The following SLC6A11 variants were observed in gnomAD, a reference collection of about 807,000 sequenced individuals.
SLC6A11 encodes the protein sodium- and chloride-dependent GABA transporter 3.
A neutral mutation model predicts 74.8 loss-of-function variants in SLC6A11; 25 were observed. That is an observed-to-expected ratio of 0.33 (90% CI 0.24 to 0.47). The LOEUF (loss-of-function observed/expected upper bound fraction) is 0.47, where lower values mean the gene tolerates loss of function less well. Among genes scored for constraint, SLC6A11 ranks in the 20% least tolerant of loss-of-function variants. The pLI, the probability that SLC6A11 is intolerant of heterozygous loss-of-function variation, is 1.00. For synonymous variants in SLC6A11, 330 were observed against 330.2 expected (o/e 1.00, Z 0.01); for missense variants, 574 against 837.0 (o/e 0.69, Z 3.88).
chr3:10,933,834 G>A, intron 11 of SLC6A11: 1 of 386,106 alleles, frequency 2.6e-6, no homozygotes. Context: ...TCATTTCCTG[G>A]GCCTGAGGCC....
At chr3:10,927,667 C>T (rs533620743) in intron 9 of SLC6A11, among the ~76,000 whole-genome samples, 23 of 152,290 alleles carry the variant, frequency 1.5e-4, no homozygotes, top group Non-Finnish European at 2.9e-4. Flanking sequence ...CAGAGCCAGC[C>T]CTTGCTGCTG....
chr3:10,885,010 C>T lies in SLC6A11; in HGVS notation c.891+9915C>T, dbSNP rs139758896. Among the ~76,000 whole-genome samples the T allele has an allele frequency of 7.2e-3, 1,096 of 152,172 alleles. 11 individuals are homozygous for T. The highest frequency in any genetic ancestry group is 7.1e-3 in the Non-Finnish European group (485 of 68,016). On this transcript the variant is annotated intron_variant, in intron 6 of 13. Transcript: ENST00000254488. ...AACTGAGGCACAAGTCGGCCTCCTC[C>T]GAGTGAATAGAATAGAATCAAATCA...
chr3:10,819,433 A>G (rs368235185), intron 1 of SLC6A11, 32 bp from the exon 2 acceptor site: 3 of 1,591,306 alleles, frequency 1.9e-6, no homozygotes, highest in East Asian at 2.2e-5. Flanking sequence ...CGGCAGGGAC[A>G]GTTTTCATTT....
rs757998838 is a variant in SLC6A11, at chr3:10,933,232, A to G, written c.1453A>G (p.Ile485Val). The change falls in exon 11 of 14, where the codon ATC becomes GTC. Residue 485 changes from isoleucine (I) to valine (V), a missense_variant. Physicochemically the swap from Ile to Val is conservative, Grantham distance 29. Around this residue, in one of 4 missense-constraint regions of SLC6A11, gnomAD observed 257 missense variants for 341.5 expected, o/e 0.75. Coordinates refer to ENST00000254488, the MANE Select transcript of SLC6A11 (RefSeq NM_014229.3). ...TCTCTTCGTGGCCATCTTTGAGTGC[A>G]TCTGCATCGGCTGGGTGTATGGTGA... Reference protein sequence around the residue: ...CLLFVAIFECICIGWVYGSNR... With the variant: ...CLLFVAIFECVCIGWVYGSNR... The G allele has an allele frequency of 6.2e-7, 1 of 1,613,764 alleles. No homozygotes were observed.
intron 4 of SLC6A11, chr3:10,825,190 A>AAAAAAT (rs1694192575): frequency 6.6e-6 from 1 of 152,062 alleles, no homozygotes. Flanking sequence ...CAAAAAAAAA[A>AAAAAAT]AAAAAAATTA....
intron 5 of SLC6A11, among the ~76,000 whole-genome samples, chr3:10,869,001 G>A (rs1357471382): frequency 6.6e-6 from 1 of 152,196 alleles, no homozygotes; most frequent in East Asian, 1.9e-4. Flanking sequence ...GCAGCACAAA[G>A]CAGTGTTCCT....
intron 4 of SLC6A11, among the ~76,000 whole-genome samples, chr3:10,825,699 T>C (rs1694199969): frequency 6.6e-6 from 1 of 152,244 alleles, no homozygotes; most frequent in Middle Eastern, 3.2e-3. Context: ...ATATAATCCA[T>C]CTGGAATTTT....
At chr3:10,937,676 T>C (rs555260447) in intron 13 of SLC6A11, among the ~76,000 whole-genome samples, 2 of 152,340 alleles carry the variant, frequency 1.3e-5, no homozygotes, top group East Asian at 3.9e-4. Flanking sequence ...GCCAGCCAGC[T>C]GGTGCGGGCT....
intron 5 of SLC6A11, among the ~76,000 whole-genome samples, chr3:10,871,541 T>G (rs1422861277): frequency 6.6e-6 from 1 of 151,552 alleles, no homozygotes; most frequent in East Asian, 1.9e-4. Context: ...TGGCTTTGGT[T>G]GGGGGGGAGG....
At chr3:10,931,944 C>G (rs1001221448) in intron 10 of SLC6A11, among the ~76,000 whole-genome samples, 4 of 152,184 alleles carry the variant, frequency 2.6e-5, no homozygotes, top group African/African-American at 9.7e-5. Flanking sequence ...AGGAAGTCCC[C>G]ATGGCAGGCG....
intron 4 of SLC6A11, chr3:10,824,397 A>G (rs1694178048): frequency 6.6e-6 from 1 of 152,154 alleles, no homozygotes; most frequent in Non-Finnish European, 1.5e-5. Context: ...GTGGTGGGGC[A>G]GTGGTTTATG....
intron 1 of SLC6A11, among the ~76,000 whole-genome samples, chr3:10,818,297 A>AG (rs1234077433): frequency 6.6e-6 from 1 of 152,212 alleles, no homozygotes; most frequent in Non-Finnish European, 1.5e-5. Context: ...ACAGCATGTT[A>AG]GGGGACCTGC....
At chr3:10,879,378 A>G (rs1032674625) in intron 6 of SLC6A11, among the ~76,000 whole-genome samples, 26 of 152,212 alleles carry the variant, frequency 1.7e-4, no homozygotes, top group African/African-American at 6.0e-4. Context: ...CAGCTGGGGT[A>G]TGCTGCAGGA....
At chr3:10,845,750 C>T (rs1410593634) in intron 5 of SLC6A11, among the ~76,000 whole-genome samples, 1 of 152,188 alleles carries the variant, frequency 6.6e-6, no homozygotes, top group Non-Finnish European at 1.5e-5. Context: ...AGCAGAGACT[C>T]TCATGTTCCT....
At chr3:10,856,867 G>A (rs917508888) in intron 5 of SLC6A11, among the ~76,000 whole-genome samples, 5 of 152,088 alleles carry the variant, frequency 3.3e-5, no homozygotes, top group Non-Finnish European at 5.9e-5. Context: ...CTTTTCCTCT[G>A]AGCTGTTTCC....
At position 10,823,297 on chromosome 3, in the gene SLC6A11, T is replaced by A; in HGVS notation, c.533-5T>A. On this transcript the variant is annotated splice_polypyrimidine_tract_variant and splice_region_variant and intron_variant, in intron 3 of 13. Transcript: ENST00000254488. ...CTTCTATTTCTTGTCTTGTTTCCAC[T>A]GTAGAGAATTGTGTGGAGTTCCAGA... is the stretch of plus-strand genomic sequence containing the variant. The A allele has an allele frequency of 6.3e-7, 1 of 1,598,816 alleles. No individual in the cohort carries two copies. Among genetic ancestry groups the A allele is most frequent in the Non-Finnish European group, 8.6e-7 (1 of 1,166,062 alleles).
Position 10,816,594 on chromosome 3 carries a change from G to A in SLC6A11, c.256+73G>A, listed in dbSNP as rs1694062510. The A allele has an allele frequency of 7.1e-7, 1 of 1,405,544 alleles. No homozygotes were observed. Among genetic ancestry groups the A allele is most frequent in the African/African-American group, 1.5e-5 (1 of 67,034 alleles). 87.1% of individuals were successfully genotyped at this position (1,405,544 alleles called of 1,614,324 possible). ...GGGGCGGGGAGCCAGGGGCGAGCGCGAGACCCCCTCCCGCGCCTGCGTGGA... is the reference window on the plus strand; with the variant it reads ...GGGGCGGGGAGCCAGGGGCGAGCGCAAGACCCCCTCCCGCGCCTGCGTGGA... On this transcript the variant is annotated intron_variant, in intron 1 of 13. Coordinates refer to ENST00000254488, the MANE Select transcript of SLC6A11 (RefSeq NM_014229.3). This position sits in a 1 kb window ranked among gnomAD's most constrained non-coding sequence, Gnocchi z 4.2.
Position 10,940,418 on chromosome 3 carries a change from C to T in SLC6A11, c.*2016C>T, listed in dbSNP as rs373183251. 1 of 152,186 alleles carries T rather than the reference C, an allele frequency of 6.6e-6. No homozygotes were observed. Among genetic ancestry groups the T allele is most frequent in the East Asian group, 1.9e-4 (1 of 5,176 alleles). 9.4% of individuals were successfully genotyped at this position (152,186 alleles called of 1,614,324 possible). A position where few individuals can be genotyped will look rare whatever the true frequency, so the allele number is the denominator to read the frequency against. On this transcript the variant is annotated 3_prime_UTR_variant, in exon 14 of 14. Transcript: ENST00000254488. Reference sequence around the variant, plus strand: ...TGTGGCTAACGCTTGACTCACTTAACACTACTCATGGGGCAGGGCGGAGGG... The same window carrying T: ...TGTGGCTAACGCTTGACTCACTTAATACTACTCATGGGGCAGGGCGGAGGG...
intron 5 of SLC6A11, among the ~76,000 whole-genome samples, chr3:10,861,771 G>A (rs893241388): frequency 6.6e-6 from 1 of 152,174 alleles, no homozygotes. Context: ...GCTTTCAAGT[G>A]AGGTGAGAAC....
Sources: allele counts gnomAD v4.1 joint callset (sites outside exome capture counted in the v4.1 genomes callset), GRCh38; gene constraint gnomAD v4.1.1; regional missense constraint gnomAD v4.1.1; non-coding constraint Gnocchi (gnomAD v3.1); transcripts MANE v1.5; gene names NCBI Gene and HGNC (gene_info 2026-07-23, HGNC 2026-07-21).